The following TUSC3 variants were observed in gnomAD, a reference collection of about 807,000 sequenced individuals.
TUSC3 encodes the protein tumor suppressor candidate 3, also known as dolichyl-diphosphooligosaccharide--protein glycosyltransferase subunit TUSC3.
TUSC3 carries 45 observed loss-of-function variants against 44.8 expected under a neutral mutation model. That is an observed-to-expected ratio of 1.00 (90% CI 0.79 to 1.29). The LOEUF is 1.29. Among genes scored for constraint, TUSC3 ranks in the 50% most tolerant of loss-of-function variants. The pLI is 0.00. For missense variants in TUSC3, 519 were observed against 437.9 expected, an observed-to-expected ratio of 1.19 and a Z score of -1.65; for synonymous variants, 212 against 152.9, an observed-to-expected ratio of 1.39 and a Z score of -2.85.
chr8:15,490,393 A>G (rs1027213501), intron 2 of TUSC3, among the ~76,000 whole-genome samples: 4 of 152,060 alleles, frequency 2.6e-5, no homozygotes, highest in African/African-American at 9.7e-5. Context: ...GAAACACCCT[A>G]ACTTTCTCCT....
chr8:15,729,373 G>T (rs1026048307), intron 6 of TUSC3, among the ~76,000 whole-genome samples: 2 of 152,120 alleles, frequency 1.3e-5, no homozygotes, highest in African/African-American at 4.8e-5. Context: ...AACTTCATCA[G>T]TTACTAGTTG....
At chr8:15,626,147 C>T (rs573758681) in intron 2 of TUSC3, among the ~76,000 whole-genome samples, 1 of 152,110 alleles carries the variant, frequency 6.6e-6, no homozygotes, top group Admixed American at 6.5e-5. Flanking sequence ...GACTGTGCCA[C>T]CCCCACCCTC....
At chr8:15,596,949 A>G (rs997649692) in intron 1 of TUSC3, among the ~76,000 whole-genome samples, 1 of 152,180 alleles carries the variant, frequency 6.6e-6, no homozygotes, top group Non-Finnish European at 1.5e-5. Flanking sequence ...TGACAAGGTT[A>G]ATAGTCCAAT....
At chr8:15,810,399 A>C in the TUSC3 span, among the ~76,000 whole-genome samples, 2 of 152,158 alleles carry the variant, frequency 1.3e-5, no homozygotes, top group Non-Finnish European at 2.9e-5. Flanking sequence ...GCACTTTGGG[A>C]AGCTAAGGTG....
intron 6 of TUSC3, among the ~76,000 whole-genome samples, chr8:15,700,857 T>G (rs1809369046): frequency 1.4e-5 from 2 of 147,152 alleles, no homozygotes; most frequent in Non-Finnish European, 3.0e-5. Flanking sequence ...AGCTTTTTTT[T>G]TTTTTTTTTT....
chr8:15,851,063 G>A, the TUSC3 span, among the ~76,000 whole-genome samples: 1 of 152,194 alleles, frequency 6.6e-6, no homozygotes, highest in Non-Finnish European at 1.5e-5. Context: ...ACGTGTCTAA[G>A]TCAATGGACG....
At chr8:15,821,616 C>A in the TUSC3 span, among the ~76,000 whole-genome samples, 1 of 151,308 alleles carries the variant, frequency 6.6e-6, no homozygotes, top group Non-Finnish European at 1.5e-5. Flanking sequence ...TCTACCAATG[C>A]TGATGTTCTC....
At chr8:15,422,913 G>A (rs571299602) in intron 1 of TUSC3, among the ~76,000 whole-genome samples, 2 of 152,176 alleles carry the variant, frequency 1.3e-5, no homozygotes, top group South Asian at 2.1e-4. Flanking sequence ...AAAGTGCTGG[G>A]ATTACAGGTA....
At chr8:15,768,766 C>T (rs1056720036), downstream of TUSC3, among the ~76,000 whole-genome samples, 17 of 152,028 alleles carry the variant, frequency 1.1e-4, no homozygotes, top group East Asian at 3.9e-4. Flanking sequence ...AATCAATGTG[C>T]GAAAACCACA....
intron 2 of TUSC3, among the ~76,000 whole-genome samples, chr8:15,515,038 T>A (rs1287429184): frequency 6.6e-6 from 1 of 152,228 alleles, no homozygotes; most frequent in Admixed American, 6.5e-5. Context: ...TTTTGTTTTT[T>A]TCTGGATTCT....
intron 6 of TUSC3, among the ~76,000 whole-genome samples, chr8:15,681,626 G>T (rs1314195136): frequency 6.7e-6 from 1 of 148,360 alleles, no homozygotes; most frequent in Non-Finnish European, 1.5e-5. Context: ...ACCAACTTTT[G>T]GTTTCATTGA....
At chr8:15,817,009 G>A in the TUSC3 span, among the ~76,000 whole-genome samples, 1 of 152,118 alleles carries the variant, frequency 6.6e-6, no homozygotes, top group Non-Finnish European at 1.5e-5. Context: ...AGAAACTGAA[G>A]TTACTGATTA....
intron 6 of TUSC3, among the ~76,000 whole-genome samples, chr8:15,720,551 G>A (rs546462061): frequency 6.6e-6 from 1 of 152,166 alleles, no homozygotes; most frequent in East Asian, 1.9e-4. Context: ...CACATCAGAT[G>A]TCAAGATAAA....
the TUSC3 span, among the ~76,000 whole-genome samples, chr8:15,836,475 TC>T: frequency 5.3e-3 from 203 of 37,982 alleles, no homozygotes; most frequent in African/African-American, 7.9e-3. Context: ...AGACTCCATC[TC>T]AAAAAAAAAA....
At chr8:15,472,841 A>G (rs189909069) in intron 1 of TUSC3, among the ~76,000 whole-genome samples, 4 of 152,344 alleles carry the variant, frequency 2.6e-5, no homozygotes, top group Admixed American at 6.5e-5. Flanking sequence ...TTGTGGACAT[A>G]AAGAGAATGA....
chr8:15,550,356 A>G (rs1268118921), intron 1 of TUSC3, among the ~76,000 whole-genome samples: 1 of 151,868 alleles, frequency 6.6e-6, no homozygotes, highest in Non-Finnish European at 1.5e-5. Context: ...GCATGCTTAG[A>G]TGTTGGACAT....
chr8:15,746,010 G>T (rs990793123), intron 8 of TUSC3, among the ~76,000 whole-genome samples: 9 of 152,026 alleles, frequency 5.9e-5, no homozygotes, highest in African/African-American at 2.2e-4. Flanking sequence ...ACATTTATTG[G>T]ATAGAGAGTC....
the TUSC3 span, among the ~76,000 whole-genome samples, chr8:15,833,031 G>A: frequency 6.6e-6 from 1 of 152,072 alleles, no homozygotes; most frequent in East Asian, 1.9e-4. Flanking sequence ...ATAATCGGAA[G>A]TAAAAAAACA....
At chr8:15,525,360 G>A (rs1047708594) in intron 2 of TUSC3, among the ~76,000 whole-genome samples, 1 of 152,106 alleles carries the variant, frequency 6.6e-6, no homozygotes, top group African/African-American at 2.4e-5. Flanking sequence ...GACTTTATTG[G>A]CTGTGGTAAG....
Sources: allele counts gnomAD v4.1 joint callset (sites outside exome capture counted in the v4.1 genomes callset), GRCh38; gene constraint gnomAD v4.1.1; transcripts MANE v1.5; gene names NCBI Gene and HGNC (gene_info 2026-07-23, HGNC 2026-07-21).